HEMK2: variants seen among roughly 807,000 people sequenced by gnomAD.
HEMK2 encodes the protein methyltransferase HEMK2.
chr21:28,777,148 T>C, the HEMK2 span, among the ~76,000 whole-genome samples: 2 of 152,210 alleles, frequency 1.3e-5, no homozygotes, highest in Non-Finnish European at 2.9e-5. Flanking sequence ...TCACAGACTA[T>C]CCAATTTGAA....
At chr21:28,834,124 C>T in the HEMK2 span, among the ~76,000 whole-genome samples, 1 of 152,196 alleles carries the variant, frequency 6.6e-6, no homozygotes, top group South Asian at 2.1e-4. Flanking sequence ...TGATCCCCAA[C>T]AAAAACCCTA....
the HEMK2 span, among the ~76,000 whole-genome samples, chr21:28,610,834 C>T: frequency 2.0e-5 from 3 of 152,018 alleles, no homozygotes; most frequent in Non-Finnish European, 4.4e-5. Context: ...CGGACTAGTC[C>T]AACAGAAAAA....
the HEMK2 span, among the ~76,000 whole-genome samples, chr21:28,624,141 T>C: frequency 2.0e-5 from 3 of 152,176 alleles, no homozygotes; most frequent in Admixed American, 1.3e-4. Context: ...TAAACTGGAA[T>C]GTATGAGCCA....
the HEMK2 span, among the ~76,000 whole-genome samples, chr21:28,863,465 T>TATAC: frequency 2.2e-4 from 19 of 85,592 alleles, no homozygotes; most frequent in East Asian, 8.3e-4. Context: ...TATATATATA[T>TATAC]ATATACTTCA....
the HEMK2 span, among the ~76,000 whole-genome samples, chr21:28,809,159 T>C: frequency 6.6e-6 from 1 of 152,144 alleles, no homozygotes; most frequent in Non-Finnish European, 1.5e-5. Context: ...AAGAAAACTT[T>C]TGGAGATCAA....
chr21:28,605,597 C>T, the HEMK2 span, among the ~76,000 whole-genome samples: 1 of 152,080 alleles, frequency 6.6e-6, no homozygotes, highest in Non-Finnish European at 1.5e-5. Flanking sequence ...ATATGAAAAC[C>T]ATATTTTTCC....
At chr21:28,669,070 A>T in the HEMK2 span, among the ~76,000 whole-genome samples, 8 of 152,272 alleles carry the variant, frequency 5.3e-5, no homozygotes, top group African/African-American at 1.9e-4. Flanking sequence ...AAAGAAGAGA[A>T]TAAACTGGGC....
the HEMK2 span, among the ~76,000 whole-genome samples, chr21:28,754,951 A>G: frequency 2.0e-5 from 3 of 152,154 alleles, no homozygotes; most frequent in Non-Finnish European, 2.9e-5. Flanking sequence ...ACAAGGGAGG[A>G]ATTAATTTTC....
At chr21:28,814,885 TACCC>T in the HEMK2 span, among the ~76,000 whole-genome samples, 5 of 152,174 alleles carry the variant, frequency 3.3e-5, no homozygotes, top group Admixed American at 3.3e-4. Context: ...ACTGGGTATA[TACCC>T]AAAAGATTAT....
chr21:28,589,420 T>G, the HEMK2 span, among the ~76,000 whole-genome samples: 1 of 152,120 alleles, frequency 6.6e-6, no homozygotes, highest in Non-Finnish European at 1.5e-5. Flanking sequence ...GGGAGAAAGG[T>G]ATTACACAAA....
the HEMK2 span, among the ~76,000 whole-genome samples, chr21:28,709,589 G>A: frequency 2.6e-5 from 4 of 152,074 alleles, no homozygotes; most frequent in Non-Finnish European, 4.4e-5. Context: ...ATTATCTTAT[G>A]AGGGTCCCTT....
chr21:28,849,359 C>CA, the HEMK2 span, among the ~76,000 whole-genome samples: 125 of 151,284 alleles, frequency 8.3e-4, 2 homozygotes, highest in East Asian at 0.021. Context: ...ACAACAACAA[C>CA]AAAAAAAAAC....
At chr21:28,840,593 C>T in the HEMK2 span, among the ~76,000 whole-genome samples, 1 of 151,936 alleles carries the variant, frequency 6.6e-6, no homozygotes, top group African/African-American at 2.4e-5. Context: ...GGCCAACAAA[C>T]GTGAAAAATG....
the HEMK2 span, among the ~76,000 whole-genome samples, chr21:28,751,938 G>A: frequency 2.6e-5 from 4 of 151,880 alleles, no homozygotes; most frequent in Non-Finnish European, 5.9e-5. Flanking sequence ...TTACAGGCAT[G>A]AGCCACCATG....
chr21:28,877,292 GGA>G, the HEMK2 span, among the ~76,000 whole-genome samples: 11 of 92,578 alleles, frequency 1.2e-4, no homozygotes, highest in African/African-American at 3.6e-4. Context: ...AAGGAAGGAA[GGA>G]AGGAAGAGAG....
chr21:28,634,027 T>C, the HEMK2 span, among the ~76,000 whole-genome samples: 43 of 152,324 alleles, frequency 2.8e-4, no homozygotes, highest in Middle Eastern at 6.8e-3. Flanking sequence ...TGTTCAGCGT[T>C]TCATGTTCGG....
At chr21:28,671,714 C>T in the HEMK2 span, among the ~76,000 whole-genome samples, 1 of 152,152 alleles carries the variant, frequency 6.6e-6, no homozygotes, top group African/African-American at 2.4e-5. Flanking sequence ...GGGATATCAT[C>T]ATTCCATAAA....
the HEMK2 span, among the ~76,000 whole-genome samples, chr21:28,642,339 G>A: frequency 1.3e-5 from 2 of 152,184 alleles, no homozygotes; most frequent in African/African-American, 4.8e-5. Context: ...CAGTCAGCCT[G>A]CCACTGGCCA....
chr21:28,717,870 C>CA, the HEMK2 span, among the ~76,000 whole-genome samples: 1 of 151,994 alleles, frequency 6.6e-6, no homozygotes, highest in Non-Finnish European at 1.5e-5. Context: ...TTTATCCCTT[C>CA]AAAAAAGCAT....
Sources: allele counts gnomAD v4.1 joint callset (sites outside exome capture counted in the v4.1 genomes callset), GRCh38; gene constraint gnomAD v4.1.1; transcripts MANE v1.5; gene names NCBI Gene and HGNC (gene_info 2026-07-23, HGNC 2026-07-21).